NAALADL2: variants seen among roughly 807,000 people sequenced by gnomAD.
NAALADL2 encodes inactive N-acetylated-alpha-linked acidic dipeptidase-like protein 2.
NAALADL2 carries 76 observed loss-of-function variants against 87.2 expected under a neutral mutation model. The observed-to-expected ratio is 0.87, with a 90% confidence interval of 0.72 to 1.05. The LOEUF is 1.05. Ranked by LOEUF, NAALADL2 falls within the 50% of genes least tolerant of loss-of-function variation. The pLI, the probability that NAALADL2 is intolerant of heterozygous loss-of-function variation, is 0.00. For synonymous variants in NAALADL2, 354 were observed against 331.0 expected, an observed-to-expected ratio of 1.07 and a Z score of -0.75; for missense variants, 1,089 against 945.8, an observed-to-expected ratio of 1.15 and a Z score of -1.99.
At chr3:175,756,504 G>T (rs1747279191) in intron 13 of NAALADL2, among the ~76,000 whole-genome samples, 1 of 152,152 alleles carries the variant, frequency 6.6e-6, no homozygotes, top group East Asian at 1.9e-4. Context: ...CAGAAGGAAT[G>T]AAATCATGTC....
At chr3:175,786,759 G>A (rs1395353563) in intron 13 of NAALADL2, among the ~76,000 whole-genome samples, 1 of 143,118 alleles carries the variant, frequency 7.0e-6, no homozygotes, top group Non-Finnish European at 1.5e-5. Context: ...GCGTTCCTTT[G>A]GAGGAGGAGG....
In NAALADL2 at chr3:174,580,918, C is replaced by G. The variant is rs531255728; in HGVS notation, c.-115+30281C>G. ...TTTTAAGGAATTGACAAAATGTTTT[C>G]CGAAGTGGTTGTGCCATTTTACATT... On this transcript the variant is annotated intron_variant, in intron 2 of 3. Coordinates refer to the NAALADL2 transcript ENST00000434257. 5.3e-5 allele frequency among the ~76,000 whole-genome samples: 8 copies of G among 152,094 alleles called. No individual in the cohort carries two copies. In the South Asian group the frequency reaches 1.7e-3, roughly 32 times the overall value.
chr3:175,191,476 T>G (rs1392713424), intron 2 of NAALADL2, among the ~76,000 whole-genome samples: 2 of 152,250 alleles, frequency 1.3e-5, no homozygotes, highest in Non-Finnish European at 2.9e-5. Flanking sequence ...AGGAGGAGAT[T>G]GGAGAGAACA....
chr3:174,451,671 T>C (rs1179339377), intron 1 of NAALADL2, among the ~76,000 whole-genome samples: 3 of 152,210 alleles, frequency 2.0e-5, no homozygotes, highest in Non-Finnish European at 4.4e-5. Flanking sequence ...CTCTTATTCA[T>C]GTGCCTTCTT....
rs142424564 is a variant in NAALADL2, at chr3:174,822,472, A to G, written c.-9+84726A>G. Among the ~76,000 whole-genome samples the G allele has an allele frequency of 1.4e-4, 21 of 152,296 alleles. No individual in the cohort carries two copies. In the East Asian group the frequency reaches 3.5e-3, roughly 25 times the overall value. On this transcript the variant is annotated intron_variant, in intron 3 of 3. Transcript: ENST00000434257. ...AAAATCAACAGGGTTGATCTGACTC[A>G]TGCACAGACATTGGTAATTTCTGCC...
At chr3:175,402,192 A>G (rs1770648759) in intron 5 of NAALADL2, among the ~76,000 whole-genome samples, 1 of 152,134 alleles carries the variant, frequency 6.6e-6, no homozygotes, top group Non-Finnish European at 1.5e-5. Flanking sequence ...TTGAAAACAT[A>G]AAACAAATTG....
In NAALADL2 at chr3:175,641,198, T is replaced by G. The variant is rs184346131; in HGVS notation, c.1896+13812T>G. Among the ~76,000 whole-genome samples the G allele has an allele frequency of 1.4e-3, 215 of 152,312 alleles. 2 individuals carry two copies. In the Middle Eastern group the frequency reaches 0.017, roughly 12 times the overall value. On this transcript the variant is annotated intron_variant, in intron 11 of 13. Transcript: ENST00000454872. ...CTCCCAGGCTTCTGGCAGGTCTCCA[T>G]TTAAATGCCACTTTGTCTCCCAAGC...
At chr3:175,679,734 C>A (rs1735333334) in intron 11 of NAALADL2, among the ~76,000 whole-genome samples, 1 of 152,170 alleles carries the variant, frequency 6.6e-6, no homozygotes, top group Non-Finnish European at 1.5e-5. Flanking sequence ...TTAATATCAG[C>A]AGCTGCTGTG....
intron 2 of NAALADL2, among the ~76,000 whole-genome samples, chr3:174,726,211 C>T (rs1175943302): frequency 2.0e-5 from 3 of 152,044 alleles, no homozygotes; most frequent in Admixed American, 6.6e-5. Context: ...AAAAATCCTC[C>T]CATATTTTCA....
In NAALADL2 at chr3:175,262,575, AGTGT is replaced by A. The variant is rs71164625; in HGVS notation, c.939+6076_939+6079del. Among the ~76,000 whole-genome samples, 731 of 147,094 alleles carry A rather than the reference AGTGT, an allele frequency of 5.0e-3. 3 individuals are homozygous for A. The highest frequency in any genetic ancestry group is 0.032 in the East Asian group (157 of 4,964). The stretch of plus-strand genomic sequence containing the variant: ...ACAGATAAAATATTCATGTTGTGTG[AGTGT>A]GTGTGTGTGTGTGTGTGTGTGTGTG... On this transcript the variant is annotated intron_variant, in intron 4 of 13. Coordinates refer to ENST00000454872, the MANE Select transcript of NAALADL2 (RefSeq NM_207015.3).
In NAALADL2 at chr3:174,733,630, C is replaced by T. The variant is rs192222600; in HGVS notation, c.-114-4011C>T. Among the ~76,000 whole-genome samples the T allele has an allele frequency of 3.0e-3, 462 of 152,304 alleles. 2 individuals are homozygous for T. Among genetic ancestry groups the T allele is most frequent in the African/African-American group, 0.011 (438 of 41,568 alleles). On this transcript the variant is annotated intron_variant, in intron 2 of 3. Coordinates refer to the NAALADL2 transcript ENST00000434257. ...GTTAAGGCTCTTTCTGTTACCGAAA[C>T]ACCAGGGGTTCAGTTTGGGTCCTGC...
intron 4 of NAALADL2, among the ~76,000 whole-genome samples, chr3:175,285,376 T>C (rs1191199300): frequency 6.6e-6 from 1 of 152,152 alleles, no homozygotes; most frequent in Non-Finnish European, 1.5e-5. Context: ...TCATCATCAG[T>C]ACTTCCAAAT....
At chr3:175,784,044 G>A (rs1021701582) in intron 13 of NAALADL2, among the ~76,000 whole-genome samples, 35 of 147,642 alleles carry the variant, frequency 2.4e-4, no homozygotes, top group African/African-American at 8.8e-4. Context: ...TGCATCCCAG[G>A]GATGAAGCCC....
chr3:174,842,956 C>T (rs1314179974), intron 3 of NAALADL2, among the ~76,000 whole-genome samples: 1 of 151,912 alleles, frequency 6.6e-6, no homozygotes, highest in African/African-American at 2.4e-5. Context: ...TACTGAGTTA[C>T]TTTCTTTTCA....
At chr3:175,754,330 C>T (rs9876798) in intron 12 of NAALADL2, among the ~76,000 whole-genome samples, 27,597 of 152,042 alleles carry the variant, frequency 0.18, 3,153 homozygotes, top group African/African-American at 0.32. Context: ...TAGAGTTCAG[C>T]GGACAACTAT....
intron 5 of NAALADL2, among the ~76,000 whole-genome samples, chr3:175,335,715 G>T (rs957420839): frequency 6.6e-6 from 1 of 152,122 alleles, no homozygotes; most frequent in African/African-American, 2.4e-5. Context: ...TTTGAGAGAT[G>T]TGTCTTGTAT....
intron 11 of NAALADL2, among the ~76,000 whole-genome samples, chr3:175,728,835 A>G (rs901978448): frequency 4.6e-5 from 7 of 151,914 alleles, no homozygotes; most frequent in African/African-American, 1.5e-4. Context: ...TATGCCCCAC[A>G]CTCCACACAC....
At chr3:175,562,506 AT>A (rs1356272710) in intron 9 of NAALADL2, among the ~76,000 whole-genome samples, 1 of 151,520 alleles carries the variant, frequency 6.6e-6, no homozygotes, top group Non-Finnish European at 1.5e-5. Flanking sequence ...TTTTGATACT[AT>A]TTTTTCTTGT....
At chr3:174,931,311 T>C (rs1214195780) in intron 1 of NAALADL2, among the ~76,000 whole-genome samples, 2 of 152,164 alleles carry the variant, frequency 1.3e-5, no homozygotes, top group African/African-American at 4.8e-5. Context: ...GGTACCTGGT[T>C]TGGATTTCAG....
Sources: gnomAD v4.1 joint callset for allele counts (sites outside exome capture counted in the v4.1 genomes callset) on GRCh38, gnomAD v4.1.1 for gene constraint, MANE v1.5 for transcripts, NCBI Gene and HGNC (gene_info 2026-07-23, HGNC 2026-07-21) for gene names.